Variants in ITFG1 observed in about 807,000 individuals in gnomAD.
The protein encoded by ITFG1 is integrin alpha FG-GAP repeat containing 1.
Under a neutral mutation model 81.8 loss-of-function variants are expected in ITFG1, and 34 were observed. That is an observed-to-expected ratio of 0.42 (90% CI 0.32 to 0.55). ITFG1 has a LOEUF of 0.55. Ranked by LOEUF, ITFG1 falls within the 20% of genes least tolerant of loss-of-function variation. The pLI, the probability that ITFG1 is intolerant of heterozygous loss-of-function variation, is 0.17. For missense variants in ITFG1, 672 were observed against 755.4 expected, an observed-to-expected ratio of 0.89 and a Z score of 1.29; for synonymous variants, 285 against 270.6, an observed-to-expected ratio of 1.05 and a Z score of -0.52.
intron 10 of ITFG1, among the ~76,000 whole-genome samples, chr16:47,282,487 C>G (rs1049156948): frequency 6.6e-6 from 1 of 152,018 alleles, no homozygotes; most frequent in Non-Finnish European, 1.5e-5. Flanking sequence ...TTTATCCAAT[C>G]ATCTGTTGAT....
At chr16:47,460,796 C>G in intron 1 of ITFG1, 42 bp downstream of exon 1, 2 of 1,600,186 alleles carry the variant, frequency 1.2e-6, no homozygotes, top group Middle Eastern at 1.7e-4. Flanking sequence ...CCGGGAGAGG[C>G]ACACGGACAG....
At chr16:47,217,842 G>A (rs542641910) in intron 14 of ITFG1, among the ~76,000 whole-genome samples, 3 of 152,112 alleles carry the variant, frequency 2.0e-5, no homozygotes, top group Non-Finnish European at 4.4e-5. Context: ...GGAGAATGGC[G>A]GGAACCCGGG....
rs778314164 is a variant in ITFG1 at position 47,161,753 on chromosome 16, C to T, written c.1658G>A (p.Arg553Gln). 6.9e-6 allele frequency: 11 copies of T among 1,602,320 alleles called. No homozygotes were observed. Among genetic ancestry groups the T allele is most frequent in the East Asian group, 4.5e-5 (2 of 44,764 alleles). ...TCGGTTCAAGCAAGTACATTACCTT[C>T]GAGGGACATTGTGAGGGTATGGAAT... ...IVIPYPHNVP[R>Q]SWSAKLYLTP... The change falls in exon 16 of 18, where the codon CGA becomes CAA. Residue 553 changes from arginine (R) to glutamine (Q), a missense_variant. Physicochemically the swap from Arg to Gln is conservative, Grantham distance 43 (BLOSUM62 1). Coordinates refer to ENST00000320640, the MANE Select transcript of ITFG1 (RefSeq NM_030790.5).
intron 14 of ITFG1, among the ~76,000 whole-genome samples, chr16:47,207,411 C>A (rs2151522833): frequency 6.6e-6 from 1 of 152,242 alleles, no homozygotes; most frequent in East Asian, 1.9e-4. Flanking sequence ...ATGGAGGTAC[C>A]ACACAATAAA....
intron 8 of ITFG1, among the ~76,000 whole-genome samples, chr16:47,330,274 A>G (rs1307460854): frequency 1.3e-5 from 2 of 152,102 alleles, no homozygotes; most frequent in Admixed American, 1.3e-4. Context: ...CCTACCTCTT[A>G]CCATATATAA....
At chr16:47,349,137 A>T (rs986499898) in intron 8 of ITFG1, among the ~76,000 whole-genome samples, 3 of 152,216 alleles carry the variant, frequency 2.0e-5, no homozygotes, top group Admixed American at 6.5e-5. Context: ...TGATGCTAGG[A>T]AGAAACTGCA....
intron 5 of ITFG1, among the ~76,000 whole-genome samples, chr16:47,439,740 T>C (rs1180943057): frequency 6.6e-6 from 1 of 151,986 alleles, no homozygotes; most frequent in Admixed American, 6.5e-5. Flanking sequence ...CAAGCCAAAC[T>C]GTAAAGACCA....
At position 47,260,528 on chromosome 16, in the gene ITFG1, C is replaced by T; in HGVS notation, c.1221+17G>A. The T allele has an allele frequency of 6.2e-7, 1 of 1,613,642 alleles. No homozygotes were observed. Among genetic ancestry groups the T allele is most frequent in the African/African-American group, 1.3e-5 (1 of 75,050 alleles). On this transcript the variant is annotated intron_variant, in intron 11 of 17. Transcript: ENST00000320640. ...AGGCAATTAAACTTCAAACACACAGCCCAGCTCTGAACTCACATCTTCGTA... is the reference window on the plus strand; with the variant it reads ...AGGCAATTAAACTTCAAACACACAGTCCAGCTCTGAACTCACATCTTCGTA...
intron 10 of ITFG1, among the ~76,000 whole-genome samples, chr16:47,296,614 T>C (rs1966986167): frequency 6.6e-6 from 1 of 152,124 alleles, no homozygotes; most frequent in African/African-American, 2.4e-5. Flanking sequence ...TTTTGTATTT[T>C]TAGTAGAGAT....
At chr16:47,299,539 A>T (rs1374127527) in intron 10 of ITFG1, 1 of 152,316 alleles carries the variant, frequency 6.6e-6, no homozygotes, top group Non-Finnish European at 1.5e-5. Context: ...GCCAGCCCTG[A>T]TGGGGGTTGG....
At chr16:47,383,428 T>G (rs1968419795) in intron 6 of ITFG1, among the ~76,000 whole-genome samples, 1 of 152,242 alleles carries the variant, frequency 6.6e-6, no homozygotes, top group Admixed American at 6.5e-5. Flanking sequence ...CTTTCATTCA[T>G]CACTTTCATT....
chr16:47,240,734 T>C (rs112113284), intron 12 of ITFG1, among the ~76,000 whole-genome samples: 1 of 152,238 alleles, frequency 6.6e-6, no homozygotes, highest in African/African-American at 2.4e-5. Flanking sequence ...AAGGAAATCT[T>C]GTCACATATT....
chr16:47,317,606 C>T (rs1418913520), intron 8 of ITFG1: 3 of 152,102 alleles, frequency 2.0e-5, no homozygotes, highest in Non-Finnish European at 4.4e-5. Flanking sequence ...TTCTTAGGCT[C>T]CTGCCCAGAT....
At chr16:47,288,353 A>G (rs1302861261) in intron 10 of ITFG1, among the ~76,000 whole-genome samples, 1 of 152,200 alleles carries the variant, frequency 6.6e-6, no homozygotes, top group African/African-American at 2.4e-5. Flanking sequence ...CTTGATGAAT[A>G]GTTAGGTTCA....
chr16:47,274,340 T>C lies in ITFG1; in HGVS notation c.1071-13645A>G, dbSNP rs149211734. Reference sequence around the variant, plus strand: ...GTTTGACCATGCTGAGTTAACAGAATTGCCCACCTTAAGAAGGTGCATTTA... The same window carrying C: ...GTTTGACCATGCTGAGTTAACAGAACTGCCCACCTTAAGAAGGTGCATTTA... On this transcript the variant is annotated intron_variant, in intron 10 of 17. Transcript: ENST00000320640. Among the ~76,000 whole-genome samples, 323 of 152,244 alleles carry C rather than the reference T, an allele frequency of 2.1e-3. 1 individual carries two copies. Among genetic ancestry groups the C allele is most frequent in the African/African-American group, 7.5e-3 (313 of 41,552 alleles).
chr16:47,353,068 G>T (rs1567471367), intron 8 of ITFG1, among the ~76,000 whole-genome samples: 1 of 151,644 alleles, frequency 6.6e-6, no homozygotes, highest in Non-Finnish European at 1.5e-5. Context: ...GTGGGGTAGG[G>T]TGAGGGGGGA....
chr16:47,415,286 G>A (rs1968860072), intron 6 of ITFG1, among the ~76,000 whole-genome samples: 1 of 152,212 alleles, frequency 6.6e-6, no homozygotes, highest in Non-Finnish European at 1.5e-5. Flanking sequence ...ATATAACAGA[G>A]TCGACTTTAG....
intron 7 of ITFG1, among the ~76,000 whole-genome samples, chr16:47,368,666 C>A (rs998492138): frequency 6.7e-6 from 1 of 149,954 alleles, no homozygotes; most frequent in African/African-American, 2.5e-5. Context: ...ATATATCAGC[C>A]TTCTATGAGA....
At chr16:47,351,017 A>G (rs1318789875) in intron 8 of ITFG1, among the ~76,000 whole-genome samples, 2 of 152,234 alleles carry the variant, frequency 1.3e-5, no homozygotes, top group South Asian at 2.1e-4. Context: ...ACAGCGCTTC[A>G]TGCTAAAAAC....
Sources: gnomAD v4.1 joint callset for allele counts (sites outside exome capture counted in the v4.1 genomes callset) on GRCh38, gnomAD v4.1.1 for gene constraint, MANE v1.5 for transcripts, NCBI Gene and HGNC (gene_info 2026-07-23, HGNC 2026-07-21) for gene names.